Variants in MACROD2 observed in about 807,000 individuals in gnomAD.
The protein encoded by MACROD2 is ADP-ribose glycohydrolase MACROD2.
A neutral mutation model predicts 70.4 loss-of-function variants in MACROD2; 36 were observed. That is an observed-to-expected ratio of 0.51 (90% CI 0.39 to 0.68). MACROD2 has a LOEUF of 0.68. MACROD2 is among the 30% of genes least tolerant of loss of function. The probability of loss-of-function intolerance (pLI) is 0.00; values close to 1 mark genes in which losing one functional copy is unlikely to be tolerated. For missense variants in MACROD2, 496 were observed against 538.4 expected (o/e 0.92, Z 0.78); for synonymous variants, 172 against 178.8 (o/e 0.96, Z 0.30).
chr20:15,773,999 A>C (rs773404122), intron 8 of MACROD2, among the ~76,000 whole-genome samples: 3 of 152,190 alleles, frequency 2.0e-5, no homozygotes, highest in Non-Finnish European at 4.4e-5. Context: ...ACATTTGCAC[A>C]TAGTAAAATC....
At chr20:15,158,725 A>C (rs1484204130) in intron 5 of MACROD2, among the ~76,000 whole-genome samples, 3 of 152,142 alleles carry the variant, frequency 2.0e-5, no homozygotes, top group Non-Finnish European at 4.4e-5. Context: ...TTCTTGAAGG[A>C]TAGCTACTGG....
intron 13 of MACROD2, among the ~76,000 whole-genome samples, chr20:15,970,685 G>GAAGA (rs1189048277): frequency 2.6e-5 from 4 of 152,158 alleles, no homozygotes; most frequent in African/African-American, 9.7e-5. Context: ...ATTCTACAGA[G>GAAGA]AAGAGAGCTC....
rs115514912 is a variant in MACROD2, at chr20:14,685,527, G to A, written c.418+568G>A. ...TGAATGCGGAATGGTCAAAATTTCCGTTATATTTTAATAGAGAGAAGTATT... is the reference window on the plus strand; with the variant it reads ...TGAATGCGGAATGGTCAAAATTTCCATTATATTTTAATAGAGAGAAGTATT... On this transcript the variant is annotated intron_variant, in intron 5 of 17. Transcript: ENST00000684519. Among the ~76,000 whole-genome samples, 1,425 of 152,266 alleles carry A rather than the reference G, an allele frequency of 9.4e-3. 13 individuals are homozygous for A. Among genetic ancestry groups the A allele is most frequent in the African/African-American group, 0.032 (1,342 of 41,554 alleles).
chr20:15,416,011 C>A (rs2046143141), intron 6 of MACROD2, among the ~76,000 whole-genome samples: 1 of 152,196 alleles, frequency 6.6e-6, no homozygotes, highest in Non-Finnish European at 1.5e-5. Flanking sequence ...TGGCCAGCTG[C>A]TTGCTCCCCT....
At chr20:15,058,616 G>C (rs2075506533) in intron 5 of MACROD2, among the ~76,000 whole-genome samples, 1 of 152,060 alleles carries the variant, frequency 6.6e-6, no homozygotes, top group Non-Finnish European at 1.5e-5. Flanking sequence ...GCTTTTTTGG[G>C]CCAACCAAAT....
intron 8 of MACROD2, among the ~76,000 whole-genome samples, chr20:15,721,222 T>C (rs1021211873): frequency 1.6e-5 from 2 of 125,564 alleles, no homozygotes; most frequent in East Asian, 4.3e-4. Flanking sequence ...CCAGGGACAT[T>C]GCATTGCAAT....
intron 3 of MACROD2, among the ~76,000 whole-genome samples, chr20:14,485,175 C>T (rs111724015): frequency 6.6e-6 from 1 of 152,030 alleles, no homozygotes; most frequent in African/African-American, 2.4e-5. Context: ...CAGACACACA[C>T]ACACAAACAC....
intron 10 of MACROD2, among the ~76,000 whole-genome samples, chr20:15,917,856 GA>G (rs546538638): frequency 0.016 from 2,200 of 139,920 alleles, 37 homozygotes; most frequent in African/African-American, 0.049. Flanking sequence ...GGGAAAAAAG[GA>G]AAAAAAAAAA....
At chr20:14,285,493 C>G (rs950538685) in intron 3 of MACROD2, among the ~76,000 whole-genome samples, 2 of 151,900 alleles carry the variant, frequency 1.3e-5, no homozygotes, top group Non-Finnish European at 2.9e-5. Context: ...GAACCCTATT[C>G]AGTTATTTTG....
At chr20:14,183,280 AT>A (rs939944018) in intron 3 of MACROD2, among the ~76,000 whole-genome samples, 5 of 151,324 alleles carry the variant, frequency 3.3e-5, no homozygotes, top group Non-Finnish European at 7.4e-5. Context: ...AACATGCTGT[AT>A]TTGGTTTTCT....
intron 5 of MACROD2, among the ~76,000 whole-genome samples, chr20:14,957,743 G>A (rs980525266): frequency 1.3e-5 from 2 of 152,056 alleles, no homozygotes; most frequent in Non-Finnish European, 2.9e-5. Flanking sequence ...TCTGGGTATC[G>A]TTTTACATAG....
At chr20:14,269,506 C>T (rs1256166380) in intron 3 of MACROD2, among the ~76,000 whole-genome samples, 2 of 152,038 alleles carry the variant, frequency 1.3e-5, no homozygotes, top group Non-Finnish European at 2.9e-5. Context: ...CAAAATCTAT[C>T]TTGTTATTCT....
chr20:14,919,370 A>G (rs898781735), intron 5 of MACROD2, among the ~76,000 whole-genome samples: 2 of 151,940 alleles, frequency 1.3e-5, no homozygotes, highest in Non-Finnish European at 1.5e-5. Context: ...TTTTCCCTTT[A>G]TTTATCACTT....
chr20:14,702,362 A>G (rs1485861014), intron 5 of MACROD2, among the ~76,000 whole-genome samples: 1 of 151,298 alleles, frequency 6.6e-6, no homozygotes, highest in African/African-American at 2.4e-5. Flanking sequence ...TTCCTTGTCC[A>G]GAGCAACCCA....
chr20:15,496,894 A>G (rs769848715), intron 7 of MACROD2, among the ~76,000 whole-genome samples: 19 of 152,086 alleles, frequency 1.2e-4, no homozygotes, highest in Non-Finnish European at 2.6e-4. Flanking sequence ...TGCAGGATAG[A>G]TTGGAGAAGG....
chr20:15,026,134 C>A (rs1353021868), intron 5 of MACROD2, among the ~76,000 whole-genome samples: 2 of 152,132 alleles, frequency 1.3e-5, no homozygotes, highest in African/African-American at 4.8e-5. Flanking sequence ...TTAATTAGTT[C>A]TCTGAAAACA....
chr20:14,703,871 C>T (rs1025950825), intron 5 of MACROD2, among the ~76,000 whole-genome samples: 7 of 151,894 alleles, frequency 4.6e-5, no homozygotes, highest in South Asian at 4.2e-4. Context: ...GGACTACTGG[C>T]GCACACTACC....
intron 5 of MACROD2, among the ~76,000 whole-genome samples, chr20:14,775,370 G>C (rs914852867): frequency 2.0e-5 from 3 of 152,110 alleles, no homozygotes; most frequent in Non-Finnish European, 4.4e-5. Flanking sequence ...AAGAAGCATA[G>C]TGGTGGCATC....
intron 6 of MACROD2, among the ~76,000 whole-genome samples, chr20:15,246,113 A>G (rs2077103224): frequency 6.6e-6 from 1 of 152,228 alleles, no homozygotes. Context: ...CTTTAATGCT[A>G]ATAAATCGTC....
Sources: allele counts gnomAD v4.1 joint callset (sites outside exome capture counted in the v4.1 genomes callset), GRCh38; gene constraint gnomAD v4.1.1; transcripts MANE v1.5; gene names NCBI Gene and HGNC (gene_info 2026-07-23, HGNC 2026-07-21).